Variants in PRSS23 observed in about 807,000 individuals in gnomAD.
The protein encoded by PRSS23 is serine protease 23, also known as protease, serine 23.
PRSS23 carries 25 observed loss-of-function variants against 34.7 expected under a neutral mutation model. The observed-to-expected ratio is 0.72, with a 90% confidence interval of 0.53 to 1.01. The LOEUF (loss-of-function observed/expected upper bound fraction) is 1.01. Ranked by LOEUF, PRSS23 falls within the 50% of genes least tolerant of loss-of-function variation. The probability of loss-of-function intolerance (pLI) is 0.00; values close to 1 mark genes in which losing one functional copy is unlikely to be tolerated. For missense variants in PRSS23, 445 were observed against 475.6 expected (o/e 0.94, Z 0.60); for synonymous variants, 176 against 186.6 (o/e 0.94, Z 0.46).
At chr11:86,899,300 C>A (rs569862141) in intron 2 of PRSS23, among the ~76,000 whole-genome samples, 1 of 152,258 alleles carries the variant, frequency 6.6e-6, no homozygotes, top group East Asian at 1.9e-4. Context: ...GGGCAGATTG[C>A]ATAAGCTAAG....
intron 2 of PRSS23, among the ~76,000 whole-genome samples, chr11:86,929,093 G>A (rs918647522): frequency 6.6e-6 from 1 of 151,970 alleles, no homozygotes; most frequent in Non-Finnish European, 1.5e-5. Context: ...AGGCCGAGGT[G>A]GGCAGATCAC....
intron 2 of PRSS23, among the ~76,000 whole-genome samples, chr11:86,875,740 T>A (rs1362076681): frequency 6.6e-6 from 1 of 152,208 alleles, no homozygotes; most frequent in Admixed American, 6.5e-5. Context: ...TTATTCTCTG[T>A]CATTTGGTGT....
intron 2 of PRSS23, chr11:86,932,949 C>T (rs1949136225): frequency 6.6e-6 from 1 of 152,240 alleles, no homozygotes; most frequent in Non-Finnish European, 1.5e-5. Flanking sequence ...GACAAAATCA[C>T]ACTCACACTC....
At chr11:86,867,821 G>T (rs1482970251) in intron 2 of PRSS23, among the ~76,000 whole-genome samples, 1 of 146,142 alleles carries the variant, frequency 6.8e-6, no homozygotes, top group Non-Finnish European at 1.5e-5. Flanking sequence ...AGGCTGCAGT[G>T]AGCTGAGGTT....
chr11:86,900,226 C>T (rs542454440), intron 2 of PRSS23, among the ~76,000 whole-genome samples: 1 of 152,274 alleles, frequency 6.6e-6, no homozygotes, highest in South Asian at 2.1e-4. Context: ...GCTTTCCTCT[C>T]CTCTAATTGT....
At chr11:86,800,521 G>A (rs1036636923), upstream of PRSS23, 2 of 984,550 alleles carry the variant, frequency 2.0e-6, no homozygotes, top group Non-Finnish European at 2.4e-6. Flanking sequence ...CCAGCTGCCT[G>A]CGCTGCTCGC....
chr11:86,834,275 C>T (rs949204897), intron 2 of PRSS23, among the ~76,000 whole-genome samples: 2 of 152,118 alleles, frequency 1.3e-5, no homozygotes, highest in East Asian at 1.9e-4. Flanking sequence ...AAGTAATTTT[C>T]ATTGGTTAGC....
chr11:86,883,763 G>A (rs1028156192), intron 2 of PRSS23, among the ~76,000 whole-genome samples: 1 of 152,070 alleles, frequency 6.6e-6, no homozygotes, highest in Non-Finnish European at 1.5e-5. Flanking sequence ...ATATGTTTTG[G>A]TATGTTGTGT....
intron 2 of PRSS23, among the ~76,000 whole-genome samples, chr11:86,827,863 T>C (rs1207984541): frequency 6.6e-6 from 1 of 152,246 alleles, no homozygotes; most frequent in Non-Finnish European, 1.5e-5. Flanking sequence ...GAGAGACAGT[T>C]TGTAATAATG....
At chr11:86,903,595 G>T (rs947162649) in intron 2 of PRSS23, among the ~76,000 whole-genome samples, 2 of 147,208 alleles carry the variant, frequency 1.4e-5, no homozygotes, top group African/African-American at 5.0e-5. Context: ...CCATTCTCCT[G>T]CCTCAGCCTC....
intron 2 of PRSS23, among the ~76,000 whole-genome samples, chr11:86,826,887 TGG>T (rs1948305858): frequency 6.6e-6 from 1 of 152,154 alleles, no homozygotes; most frequent in East Asian, 1.9e-4. Flanking sequence ...CTGCTGGATT[TGG>T]TTTGCCAGTA....
chr11:86,926,488 G>A (rs1238218622), intron 2 of PRSS23, among the ~76,000 whole-genome samples: 2 of 152,140 alleles, frequency 1.3e-5, no homozygotes, highest in South Asian at 2.1e-4. Flanking sequence ...TAAATAAAGG[G>A]GTACCCATAA....
intron 2 of PRSS23, among the ~76,000 whole-genome samples, chr11:86,941,938 C>A (rs1359904052): frequency 6.6e-6 from 1 of 152,200 alleles, no homozygotes; most frequent in East Asian, 1.9e-4. Flanking sequence ...CTTCCTTACT[C>A]CATTTCTTCT....
intron 2 of PRSS23, among the ~76,000 whole-genome samples, chr11:86,842,636 TAGAG>T (rs758707356): frequency 6.0e-5 from 9 of 150,528 alleles, no homozygotes; most frequent in Admixed American, 4.0e-4. Context: ...ACACCAATAA[TAGAG>T]AGCTAAATCA....
chr11:86,850,588 C>T (rs938754897), intron 2 of PRSS23, among the ~76,000 whole-genome samples: 11 of 152,008 alleles, frequency 7.2e-5, no homozygotes, highest in African/African-American at 2.7e-4. Flanking sequence ...TGTTTTCTTC[C>T]CCAAGAAAGC....
At chr11:86,886,728 C>T (rs1427214782) in intron 2 of PRSS23, among the ~76,000 whole-genome samples, 1 of 152,110 alleles carries the variant, frequency 6.6e-6, no homozygotes, top group Non-Finnish European at 1.5e-5. Flanking sequence ...CACTTGAGGT[C>T]AAAAGTTTGA....
At chr11:86,815,072 A>G (rs982446874), downstream of PRSS23, among the ~76,000 whole-genome samples, 1 of 152,220 alleles carries the variant, frequency 6.6e-6, no homozygotes, top group Non-Finnish European at 1.5e-5. Flanking sequence ...GAAAGACTGA[A>G]GTGTTTGCCT....
chr11:86,930,368 C>T (rs1004631373), intron 2 of PRSS23, among the ~76,000 whole-genome samples: 2 of 152,126 alleles, frequency 1.3e-5, no homozygotes, highest in African/African-American at 4.8e-5. Context: ...GAAGGGGAAG[C>T]CCAGGGCCCC....
At chr11:86,855,052 C>T (rs1278645884) in intron 2 of PRSS23, among the ~76,000 whole-genome samples, 1 of 152,010 alleles carries the variant, frequency 6.6e-6, no homozygotes, top group African/African-American at 2.4e-5. Flanking sequence ...GTTATCCCAG[C>T]TATTCGGGAG....
Sources: allele counts gnomAD v4.1 joint callset (sites outside exome capture counted in the v4.1 genomes callset), GRCh38; gene constraint gnomAD v4.1.1; transcripts MANE v1.5; gene names NCBI Gene and HGNC (gene_info 2026-07-23, HGNC 2026-07-21).